The following LAMA2 variants were observed in gnomAD, a reference collection of about 807,000 sequenced individuals.
LAMA2 encodes laminin subunit alpha 2.
A neutral mutation model predicts 364.8 loss-of-function variants in LAMA2; 269 were observed. The observed-to-expected ratio is 0.74, with a 90% confidence interval of 0.67 to 0.82. The LOEUF (loss-of-function observed/expected upper bound fraction) is 0.82, where lower values mean the gene tolerates loss of function less well. Ranked by LOEUF, LAMA2 falls within the 40% of genes least tolerant of loss-of-function variation. The probability of loss-of-function intolerance (pLI) is 0.00; values close to 1 mark genes in which losing one functional copy is unlikely to be tolerated. For synonymous variants in LAMA2, 1,379 were observed against 1,370.6 expected (o/e 1.01, Z -0.14); for missense variants, 3,807 against 3,873.2 (o/e 0.98, Z 0.45).
At chr6:129,285,409 C>T (rs1433278993) in intron 18 of LAMA2, among the ~76,000 whole-genome samples, 2 of 151,892 alleles carry the variant, frequency 1.3e-5, no homozygotes, top group Non-Finnish European at 2.9e-5. Flanking sequence ...TTTAGTTATT[C>T]TATTTAATTA....
At chr6:128,966,143 AT>A (rs953392850) in intron 1 of LAMA2, among the ~76,000 whole-genome samples, 3 of 151,510 alleles carry the variant, frequency 2.0e-5, no homozygotes, top group African/African-American at 4.8e-5. Flanking sequence ...TCAAAACTAA[AT>A]TTTTTTTTAA....
At chr6:129,292,783 T>A in intron 20 of LAMA2, 1 of 984,350 alleles carries the variant, frequency 1.0e-6, no homozygotes, top group South Asian at 4.7e-5. Context: ...TTTATTTTAT[T>A]TTATGGTTGG....
In LAMA2 at chr6:129,383,537, T is replaced by A. The variant is rs141156860; in HGVS notation, c.5071+304T>A. Among the ~76,000 whole-genome samples the A allele has an allele frequency of 4.6e-5, 7 of 152,374 alleles. No homozygotes were observed. In the East Asian group the frequency reaches 1.2e-3, roughly 25 times the overall value. ...CTTTTGTTTTGTTATTGTTTTTATTTGAAAGTATTTAAAGTATTTTTCATT... is the reference window on the plus strand; with the variant it reads ...CTTTTGTTTTGTTATTGTTTTTATTAGAAAGTATTTAAAGTATTTTTCATT... On this transcript the variant is annotated intron_variant, in intron 35 of 64. Coordinates refer to ENST00000421865, the MANE Select transcript of LAMA2 (RefSeq NM_000426.4).
At chr6:129,046,740 C>T (rs1381153943) in intron 1 of LAMA2, among the ~76,000 whole-genome samples, 1 of 152,092 alleles carries the variant, frequency 6.6e-6, no homozygotes, top group Non-Finnish European at 1.5e-5. Flanking sequence ...AGTACTCTGA[C>T]TCACTCATCA....
At chr6:129,053,362 G>A (rs559156903) in intron 2 of LAMA2, among the ~76,000 whole-genome samples, 3 of 152,292 alleles carry the variant, frequency 2.0e-5, no homozygotes, top group East Asian at 3.9e-4. Context: ...ACTGCGCCCG[G>A]CCGACTCTGG....
chr6:129,360,122 T>G (rs1470228896), intron 32 of LAMA2, among the ~76,000 whole-genome samples: 3 of 152,152 alleles, frequency 2.0e-5, no homozygotes, highest in Non-Finnish European at 2.9e-5. Context: ...CTTTGTAACC[T>G]TATTAGTATT....
chr6:129,297,857 G>A lies in LAMA2; in HGVS notation c.3029G>A (p.Gly1010Asp). The change falls in exon 21 of 65, where the codon GGC becomes GAC. Residue 1010 changes from glycine (G) to aspartate (D), a missense_variant. Transcript: ENST00000421865. ...GGCTATTTCAACTTCCAAGAAGGAG[G>A]CTGCACAGGTCTGTAAATATGACTT... is the stretch of plus-strand genomic sequence containing the variant. ...AHGYFNFQEG[G>D]CTACECSHLG... is the part of the protein sequence containing the mutation. 1.9e-6 allele frequency: 3 copies of A among 1,613,616 alleles called. No individual in the cohort carries two copies. The highest frequency in any genetic ancestry group is 2.2e-5 in the South Asian group (2 of 90,976).
chr6:129,216,668 G>A (rs1029657917), intron 12 of LAMA2, among the ~76,000 whole-genome samples: 1 of 151,884 alleles, frequency 6.6e-6, no homozygotes, highest in African/African-American at 2.4e-5. Flanking sequence ...TTATTAATAT[G>A]GTGGATATTT....
At chr6:129,035,746 C>T (rs1468958004) in intron 1 of LAMA2, among the ~76,000 whole-genome samples, 3 of 151,790 alleles carry the variant, frequency 2.0e-5, no homozygotes, top group Admixed American at 2.0e-4. Context: ...GTGTCCTTTC[C>T]CCATTGCTTA....
chr6:129,152,788 G>C (rs1778886453), intron 7 of LAMA2, among the ~76,000 whole-genome samples: 1 of 152,120 alleles, frequency 6.6e-6, no homozygotes, highest in Admixed American at 6.6e-5. Context: ...CTGTGTAACT[G>C]TTCATTAATA....
chr6:129,433,838 T>C (rs1261856527), intron 41 of LAMA2, among the ~76,000 whole-genome samples: 1 of 152,196 alleles, frequency 6.6e-6, no homozygotes, highest in Non-Finnish European at 1.5e-5. Context: ...AGGACAATTT[T>C]CAAACCAATG....
chr6:128,928,464 C>G (rs559007051), intron 1 of LAMA2, among the ~76,000 whole-genome samples: 2 of 152,012 alleles, frequency 1.3e-5, no homozygotes, highest in Non-Finnish European at 2.9e-5. Flanking sequence ...ATAAAAACAG[C>G]TGATGAAACT....
At chr6:129,385,380 C>T (rs1778957528) in intron 35 of LAMA2, among the ~76,000 whole-genome samples, 1 of 151,202 alleles carries the variant, frequency 6.6e-6, no homozygotes, top group African/African-American at 2.4e-5. Context: ...TCACCAAAGG[C>T]TTTAAAGTAG....
At chr6:129,059,958 TTTAG>T (rs1788783499) in intron 3 of LAMA2, 62 bp downstream of exon 3, 1 of 909,326 alleles carries the variant, frequency 1.1e-6, no homozygotes, top group Admixed American at 1.8e-5. Context: ...TTGCTATTTG[TTTAG>T]TTAGTGGTTT....
chr6:129,171,360 G>C (rs1232226976), intron 9 of LAMA2, among the ~76,000 whole-genome samples: 2 of 152,076 alleles, frequency 1.3e-5, no homozygotes, highest in African/African-American at 4.8e-5. Flanking sequence ...GCTCTTTTAG[G>C]GCAGGACTGG....
chr6:128,925,945 T>A (rs1779066147), intron 1 of LAMA2, among the ~76,000 whole-genome samples: 2 of 152,176 alleles, frequency 1.3e-5, no homozygotes, highest in Non-Finnish European at 1.5e-5. Flanking sequence ...CATTTTATTC[T>A]CTTCTCTGCC....
At chr6:129,312,777 G>T in intron 22 of LAMA2, 84 bp from the exon 23 acceptor site, 1 of 924,954 alleles carries the variant, frequency 1.1e-6, no homozygotes, top group Non-Finnish European at 1.8e-6. Context: ...GTGTTTAATG[G>T]AAGCATAGAA....
chr6:129,377,209 T>C (rs1241322550), intron 34 of LAMA2, among the ~76,000 whole-genome samples: 1 of 152,116 alleles, frequency 6.6e-6, no homozygotes, highest in Non-Finnish European at 1.5e-5. Flanking sequence ...GTTTCACTTA[T>C]ATTGTATTTT....
At chr6:129,391,431 C>A (rs1779311929) in intron 35 of LAMA2, 60 bp from the exon 36 acceptor site, 2 of 1,382,822 alleles carry the variant, frequency 1.4e-6, no homozygotes, top group African/African-American at 1.4e-5. Context: ...ATGCTGAATA[C>A]CATGTTTTCA....
Sources: gnomAD v4.1 joint callset for allele counts (sites outside exome capture counted in the v4.1 genomes callset) on GRCh38, gnomAD v4.1.1 for gene constraint, MANE v1.5 for transcripts, NCBI Gene and HGNC (gene_info 2026-07-23, HGNC 2026-07-21) for gene names.